The following MTRF1 variants were observed in gnomAD, a reference collection of about 807,000 sequenced individuals.
MTRF1 encodes the protein mitochondrial translation release factor 1.
Under a neutral mutation model 62.9 loss-of-function variants are expected in MTRF1, and 51 were observed. That is an observed-to-expected ratio of 0.81 (90% CI 0.65 to 1.02). The LOEUF is 1.02. MTRF1 is among the 50% of genes least tolerant of loss of function. MTRF1 has a pLI of 0.00. For synonymous variants in MTRF1, 158 were observed against 181.9 expected, an observed-to-expected ratio of 0.87 and a Z score of 1.06; for missense variants, 446 against 530.0, an observed-to-expected ratio of 0.84 and a Z score of 1.56.
the MTRF1 span, among the ~76,000 whole-genome samples, chr13:41,296,301 C>T: frequency 3.3e-5 from 5 of 150,402 alleles, no homozygotes; most frequent in African/African-American, 4.9e-5. Flanking sequence ...CTTAAACTCC[C>T]GGCCTCAAGC....
At chr13:41,250,281 T>C (rs2038901414) in intron 5 of MTRF1, among the ~76,000 whole-genome samples, 1 of 152,192 alleles carries the variant, frequency 6.6e-6, no homozygotes, top group African/African-American at 2.4e-5. Flanking sequence ...TTTCTGATTA[T>C]CTTGAATCCT....
chr13:41,217,828 C>G (rs954779979), intron 9 of MTRF1, among the ~76,000 whole-genome samples: 1 of 152,218 alleles, frequency 6.6e-6, no homozygotes, highest in Admixed American at 6.5e-5. Context: ...CAAGCTCACC[C>G]TTCTGCTAAT....
upstream of MTRF1, among the ~76,000 whole-genome samples, chr13:41,264,160 C>T (rs2040755815): frequency 6.6e-6 from 1 of 152,200 alleles, no homozygotes; most frequent in Non-Finnish European, 1.5e-5. Context: ...TCTATACTTT[C>T]AGCTTCCATT....
intron 7 of MTRF1, among the ~76,000 whole-genome samples, chr13:41,232,087 GA>G (rs2035684949): frequency 6.6e-6 from 1 of 151,750 alleles, no homozygotes. Flanking sequence ...AGAAAAAAAA[GA>G]AAAGTAAAGC....
At chr13:41,295,542 T>C in the MTRF1 span, among the ~76,000 whole-genome samples, 519 of 152,300 alleles carry the variant, frequency 3.4e-3, 5 homozygotes, top group African/African-American at 0.011. Context: ...GTTTTTCTTT[T>C]CCTTTTTGGT....
At chr13:41,227,925 A>G (rs1216475523) in intron 7 of MTRF1, among the ~76,000 whole-genome samples, 1 of 152,206 alleles carries the variant, frequency 6.6e-6, no homozygotes, top group Non-Finnish European at 1.5e-5. Context: ...GCTGGCCCCC[A>G]TCTTCCAGGT....
chr13:41,221,744 G>T (rs1313387723), intron 9 of MTRF1, among the ~76,000 whole-genome samples: 1 of 152,008 alleles, frequency 6.6e-6, no homozygotes, highest in Admixed American at 6.6e-5. Context: ...TTTCACAACC[G>T]AATACTATAC....
intron 9 of MTRF1, among the ~76,000 whole-genome samples, chr13:41,221,987 G>A (rs951759241): frequency 6.6e-6 from 1 of 152,200 alleles, no homozygotes; most frequent in Non-Finnish European, 1.5e-5. Context: ...TCCTGCTGAG[G>A]AGACAGAGGA....
upstream of MTRF1, among the ~76,000 whole-genome samples, chr13:41,266,041 G>C (rs1038761021): frequency 5.3e-5 from 8 of 152,032 alleles, no homozygotes; most frequent in African/African-American, 9.7e-5. Context: ...GTAGAGATGG[G>C]GTTTCACCAT....
Position 41,240,402 on chromosome 13 carries a change from G to A in MTRF1, c.729C>T (p.Ser243=), listed in dbSNP as rs139410221. ...GGLHHAAARI[S]GDGVYKHLKY... The stretch of plus-strand genomic sequence containing the variant: ...TCAAATGCTTATAGACACCGTCACC[G>A]GAAATTCGGGCGGCTGCATGATGTA... Residue 243 remains serine, a synonymous_variant, in exon 6 of 10, where the codon TCC becomes TCT. Coordinates refer to ENST00000379480, the MANE Select transcript of MTRF1 (RefSeq NM_004294.4). The A allele has an allele frequency of 8.9e-3, 14,425 of 1,613,320 alleles. 88 individuals are homozygous for A. The highest frequency in any genetic ancestry group is 0.011 in the Non-Finnish European group (12,492 of 1,179,686).
intron 5 of MTRF1, chr13:41,252,380 A>C (rs2039182655): frequency 4.0e-6 from 1 of 251,870 alleles, no homozygotes; most frequent in Non-Finnish European, 7.5e-6. Context: ...TTTTGAGGCA[A>C]GATACGTATC....
intron 6 of MTRF1, among the ~76,000 whole-genome samples, chr13:41,234,310 T>G (rs769219163): frequency 1.3e-5 from 2 of 152,208 alleles, no homozygotes; most frequent in Non-Finnish European, 2.9e-5. Flanking sequence ...GCTGAGTAGC[T>G]AGGACTACTG....
chr13:41,242,068 G>A (rs1185096958), intron 5 of MTRF1, among the ~76,000 whole-genome samples: 1 of 152,072 alleles, frequency 6.6e-6, no homozygotes, highest in African/African-American at 2.4e-5. Flanking sequence ...CAATTACATA[G>A]GAAAAGCAAG....
At chr13:41,263,168 T>G in intron 1 of MTRF1, 1 of 822,328 alleles carries the variant, frequency 1.2e-6, no homozygotes, top group Non-Finnish European at 1.8e-6. Context: ...TTGCTAAAAT[T>G]TCCATTTTAG....
At chr13:41,273,133 T>A in the MTRF1 span, among the ~76,000 whole-genome samples, 2 of 152,014 alleles carry the variant, frequency 1.3e-5, no homozygotes, top group African/African-American at 2.4e-5. Flanking sequence ...GAGACCATCC[T>A]AGCTAACACA....
chr13:41,229,100 G>A (rs557877622), intron 7 of MTRF1: 6 of 152,332 alleles, frequency 3.9e-5, no homozygotes, highest in African/African-American at 1.4e-4. Context: ...AGGCCTTCAG[G>A]CCTCTTTGAA....
At chr13:41,290,243 G>A in the MTRF1 span, among the ~76,000 whole-genome samples, 39 of 143,370 alleles carry the variant, frequency 2.7e-4, no homozygotes, top group Non-Finnish European at 3.8e-4. Flanking sequence ...GACTACAGGC[G>A]TGCACCACCT....
intron 6 of MTRF1, among the ~76,000 whole-genome samples, chr13:41,239,148 C>T (rs893175549): frequency 1.3e-5 from 2 of 149,978 alleles, no homozygotes; most frequent in African/African-American, 2.4e-5. Context: ...TGCCTGTAGT[C>T]CTAGCTACTC....
the MTRF1 span, chr13:41,311,602 G>T: frequency 6.3e-7 from 1 of 1,599,422 alleles, no homozygotes. Flanking sequence ...CGTAGGCCGC[G>T]CTGCCGCCCC....
Sources: gnomAD v4.1 joint callset for allele counts (sites outside exome capture counted in the v4.1 genomes callset) on GRCh38, gnomAD v4.1.1 for gene constraint, MANE v1.5 for transcripts, NCBI Gene and HGNC (gene_info 2026-07-23, HGNC 2026-07-21) for gene names.